Variants in CDH24 observed in about 807,000 individuals in gnomAD.
The protein encoded by CDH24 is cadherin-24.
In CDH24, 61 loss-of-function variants were observed where a neutral mutation model predicts 71.2. That is an observed-to-expected ratio of 0.86 (90% CI 0.70 to 1.06). CDH24 has a LOEUF of 1.06. CDH24 is among the 50% of genes least tolerant of loss of function. CDH24 has a pLI of 0.00. For synonymous variants in CDH24, 440 were observed against 470.2 expected (o/e 0.94, Z 0.83); for missense variants, 961 against 1,083.7 (o/e 0.89, Z 1.59).
rs1189208121 is a variant in CDH24 at position 23,055,817 on chromosome 14, T to C, written c.-84A>G. On this transcript the variant is annotated 5_prime_UTR_variant, in exon 2 of 13. Transcript: ENST00000487137. The surrounding 1 kb of genome is among the most constrained non-coding windows in gnomAD (Gnocchi z 4.1). ...CACGTGGCCCATGAGCTGGCTGGGG[T>C]GGAGGGGCAGATGCGTTGAGGCTAC... The C allele has an allele frequency of 4.1e-6, 5 of 1,225,554 alleles. No homozygotes were observed. In the African/African-American group the frequency reaches 4.6e-5, roughly 11 times the overall value. 75.9% of individuals were successfully genotyped at this position (1,225,554 alleles called of 1,614,324 possible). A position where few individuals can be genotyped will look rare whatever the true frequency, so the allele number is the denominator to read the frequency against.
In CDH24 at chr14:23,054,060, C is replaced by G. The variant is rs1156875569; in HGVS notation, c.972+81G>C. 5.8e-5 allele frequency: 82 copies of G among 1,418,766 alleles called. No individual in the cohort carries two copies. The highest frequency in any genetic ancestry group is 6.4e-5 in the Non-Finnish European group (67 of 1,053,044). 87.9% of individuals were successfully genotyped at this position (1,418,766 alleles called of 1,614,324 possible). A position where few individuals can be genotyped will look rare whatever the true frequency, so the allele number is the denominator to read the frequency against. ...CCAACAGAGAGATCCTGAGTCTGTT[C>G]TAGAAGAACAGTTAAATATGTGCCC... On this transcript the variant is annotated intron_variant, in intron 6 of 12. Transcript: ENST00000487137. This position sits in a 1 kb window ranked among gnomAD's most constrained non-coding sequence, Gnocchi z 5.2.
At position 23,052,606 on chromosome 14, in the gene CDH24, G is replaced by A; in HGVS notation, c.1230C>T (p.Tyr410=). ...DLDSPASPIR[Y]SILPHSDPER... is the part of the protein sequence containing the mutation. ...CCGGATCTGAGTGGGGGAGGATGGA[G>A]TATCTGGGGAAGGGAGAGACATGCT... Residue 410 remains tyrosine, a synonymous_variant, in exon 8 of 13, where the codon TAC becomes TAT. Transcript: ENST00000487137. 1.9e-6 allele frequency: 3 copies of A among 1,613,552 alleles called. No homozygotes were observed. Among genetic ancestry groups the A allele is most frequent in the Non-Finnish European group, 2.5e-6 (3 of 1,179,738 alleles).
chr14:23,047,911 C>T lies in CDH24; in HGVS notation c.*69G>A. 4.2e-6 allele frequency: 5 copies of T among 1,200,012 alleles called. No individual in the cohort carries two copies. Among genetic ancestry groups the T allele is most frequent in the South Asian group, 2.7e-5 (1 of 36,656 alleles). The allele number at this position is 1,200,012 out of a possible 1,614,324, so 74.3% of individuals were successfully genotyped here. On this transcript the variant is annotated 3_prime_UTR_variant, in exon 12 of 13. Transcript: ENST00000487137. ...GGGCTGCTGCCGCCCGCCTGGACCC[C>T]GTGGGGCTCACTCAGAGGGCCTGTG... is the stretch of plus-strand genomic sequence containing the variant.
Position 23,048,193 on chromosome 14 carries a change from G to A in CDH24, c.2133C>T (p.Arg711=). The A allele has an allele frequency of 2.2e-6, 3 of 1,333,996 alleles. No homozygotes were observed. Among genetic ancestry groups the A allele is most frequent in the Admixed American group, 3.5e-5 (1 of 28,398 alleles). 82.6% of individuals were successfully genotyped at this position (1,333,996 alleles called of 1,614,324 possible). A position where few individuals can be genotyped will look rare whatever the true frequency, so the allele number is the denominator to read the frequency against. Residue 711 remains arginine (R), a synonymous_variant, in exon 12 of 13, where the codon CGC becomes CGT. Transcript: ENST00000487137. ...GTACGCCGGGGTCCTCGTCCGCCTC[G>A]CGGAGCCGCAGCGCCAGGAGCTGCG... ...DVAQLLALRL[R]EADEDPGVPP...
Position 23,055,209 on chromosome 14 carries a change from C to T in CDH24, c.346G>A (p.Val116Met). ...SLDREEKAQY[V>M]LLAQAVDRAS... ...CGGTCCACGGCTTGGGCCAGTAGCA[C>T]ATATTGCGCCTTTTCCTCCCGGTCA... The change falls in exon 3 of 13, where the codon GTG becomes ATG. Residue 116 changes from valine (V) to methionine (M), a missense_variant. Physicochemically the swap from Val to Met is conservative, Grantham distance 21. Coordinates refer to ENST00000487137, the MANE Select transcript of CDH24 (RefSeq NM_144985.4). This position sits in a 1 kb window ranked among gnomAD's most constrained non-coding sequence, Gnocchi z 4.1. 4 of 1,614,172 alleles carry T rather than the reference C, an allele frequency of 2.5e-6. No individual in the cohort carries two copies. The highest frequency in any genetic ancestry group is 2.5e-6 in the Non-Finnish European group (3 of 1,180,022).
At chr14:23,048,805 G>A (rs563408282) in intron 11 of CDH24, among the ~76,000 whole-genome samples, 9 of 152,196 alleles carry the variant, frequency 5.9e-5, no homozygotes, top group Non-Finnish European at 1.2e-4. Context: ...CAGAGTAGGG[G>A]CTCAGTAAAC....
At position 23,054,679 on chromosome 14, in the gene CDH24, G is replaced by A. The variant is rs1380068700; in HGVS notation, c.617-6C>T. The A allele has an allele frequency of 1.2e-6, 2 of 1,613,868 alleles. No individual in the cohort carries two copies. The highest frequency in any genetic ancestry group is 1.7e-6 in the Non-Finnish European group (2 of 1,179,964). ...GATGGCTGTACGCACCACTCCTAGGGAGAGATGCTGGTCAGAGGGTGTCTG... is the reference window on the plus strand; with the variant it reads ...GATGGCTGTACGCACCACTCCTAGGAAGAGATGCTGGTCAGAGGGTGTCTG... On this transcript the variant is annotated splice_region_variant and splice_polypyrimidine_tract_variant and intron_variant, in intron 4 of 12. Transcript: ENST00000487137. The surrounding 1 kb of genome is among the most constrained non-coding windows in gnomAD (Gnocchi z 5.2).
chr14:23,050,944 T>C (rs2047081639), intron 8 of CDH24, among the ~76,000 whole-genome samples: 1 of 151,982 alleles, frequency 6.6e-6, no homozygotes, highest in Non-Finnish European at 1.5e-5. Context: ...ACTTCTTCCC[T>C]GCGGTAAGGG....
At position 23,051,820 on chromosome 14, in the gene CDH24, C is replaced by G. The variant is rs370410035; in HGVS notation, c.1363+653G>C. 4 of 548,558 alleles carry G rather than the reference C, an allele frequency of 7.3e-6. No individual in the cohort carries two copies. In the South Asian group the frequency reaches 1.0e-4, roughly 14 times the overall value. The allele number at this position is 548,558 out of a possible 1,614,324, so 34.0% of individuals were successfully genotyped here. A position where few individuals can be genotyped will look rare whatever the true frequency, so the allele number is the denominator to read the frequency against. On this transcript the variant is annotated intron_variant, in intron 8 of 12. Coordinates refer to ENST00000487137, the MANE Select transcript of CDH24 (RefSeq NM_144985.4). The surrounding 1 kb of genome is among the most constrained non-coding windows in gnomAD (Gnocchi z 4.4). ...GAGGCATAAGCAGGGGTATAAGGGA[C>G]TATTCACAGAAGATCGGGAGGGAGG...
chr14:23,052,229 C>A, intron 8 of CDH24: 1 of 718,852 alleles, frequency 1.4e-6, no homozygotes, highest in Non-Finnish European at 2.4e-6. Flanking sequence ...ACTGTGCCCA[C>A]CCAGCCCAGC....
chr14:23,052,325 C>T lies in CDH24; in HGVS notation c.1363+148G>A, dbSNP rs750479223. ...CCAGATCCAGGCTAGGACTTGGATC[C>T]AGGCTAGGACTCAGATCCAGGCTAG... On this transcript the variant is annotated intron_variant, in intron 8 of 12. Transcript: ENST00000487137. 5 of 913,148 alleles carry T rather than the reference C, an allele frequency of 5.5e-6. No homozygotes were observed. In the African/African-American group the frequency reaches 6.6e-5, roughly 12 times the overall value. 56.6% of individuals were successfully genotyped at this position (913,148 alleles called of 1,614,324 possible).
In CDH24 at chr14:23,047,890, T is replaced by G; in HGVS notation, c.*90A>C. 9.4e-7 allele frequency: 1 copy of G among 1,059,014 alleles called. No homozygotes were observed. Among genetic ancestry groups the G allele is most frequent in the Non-Finnish European group, 1.2e-6 (1 of 825,872 alleles). The allele number at this position is 1,059,014 out of a possible 1,614,324, so 65.6% of individuals were successfully genotyped here. A position where few individuals can be genotyped will look rare whatever the true frequency, so the allele number is the denominator to read the frequency against. ...GGGAGGAGGCCTGGGGCCCCTGGGC[T>G]GCTGCCGCCCGCCTGGACCCCGTGG... On this transcript the variant is annotated 3_prime_UTR_variant, in exon 12 of 13. Coordinates refer to ENST00000487137, the MANE Select transcript of CDH24 (RefSeq NM_144985.4).
intron 1 of CDH24, among the ~76,000 whole-genome samples, chr14:23,056,905 T>C (rs1382949050): frequency 2.0e-5 from 3 of 151,730 alleles, no homozygotes; most frequent in Non-Finnish European, 2.9e-5. Flanking sequence ...GACACACACC[T>C]GACAGTCCCT....
At chr14:23,049,518 T>A in intron 10 of CDH24, 109 bp downstream of exon 10, 1 of 747,028 alleles carries the variant, frequency 1.3e-6, no homozygotes. Flanking sequence ...TTCTGTTGGG[T>A]AGAAGGCCGA....
At chr14:23,048,576 C>G (rs2047061207) in intron 11 of CDH24, 97 bp from the exon 12 acceptor site, 1 of 1,288,974 alleles carries the variant, frequency 7.8e-7, no homozygotes, top group Non-Finnish European at 1.1e-6. Context: ...TGACAGAAGC[C>G]CTGTGCTTAG....
intron 10 of CDH24, 30 bp downstream of exon 10, chr14:23,049,597 G>C: frequency 7.8e-7 from 1 of 1,282,796 alleles, no homozygotes; most frequent in Non-Finnish European, 1.1e-6. Context: ...ACAGAGGCAG[G>C]TATGGACATG....
intron 8 of CDH24, 177 bp from the exon 9 acceptor site, chr14:23,050,120 C>A (rs2047075244): frequency 1.3e-6 from 1 of 793,938 alleles, no homozygotes; most frequent in Non-Finnish European, 1.9e-6. Context: ...GGAACAATAC[C>A]AAGTGCATAC....
Position 23,053,528 on chromosome 14 carries a change from C to T in CDH24, c.1194G>A (p.Ala398=), listed in dbSNP as rs766251914. 65 of 1,592,602 alleles carry T rather than the reference C, an allele frequency of 4.1e-5. No homozygotes were observed. Among genetic ancestry groups the T allele is most frequent in the South Asian group, 1.2e-4 (11 of 90,032 alleles). ...APGTLVGQIS[A]ADLDSPASPI... The stretch of plus-strand genomic sequence containing the variant: ...GGCTGGCAGGGGAGTCCAGGTCAGC[C>T]GCGGAGATCTGGCCTACCAGGGTCC... The change falls in exon 7 of 13, where the codon GCG becomes GCA. Residue 398 remains alanine, a synonymous_variant. Transcript: ENST00000487137.
intron 7 of CDH24, among the ~76,000 whole-genome samples, chr14:23,053,007 G>A (rs1001936379): frequency 6.6e-5 from 10 of 152,136 alleles, no homozygotes; most frequent in African/African-American, 2.4e-4. Flanking sequence ...AAGTGGGAAT[G>A]ACACCAGTAC....
Sources: allele counts gnomAD v4.1 joint callset (sites outside exome capture counted in the v4.1 genomes callset), GRCh38; gene constraint gnomAD v4.1.1; non-coding constraint Gnocchi (gnomAD v3.1); transcripts MANE v1.5; gene names NCBI Gene and HGNC (gene_info 2026-07-23, HGNC 2026-07-21).